The following ZNF829 variants were observed in gnomAD, a reference collection of about 807,000 sequenced individuals.
ZNF829 encodes zinc finger protein 829.
A neutral mutation model predicts 35.2 loss-of-function variants in ZNF829; 25 were observed. That is an observed-to-expected ratio of 0.71 (90% CI 0.52 to 0.99). ZNF829 has a LOEUF of 0.99. ZNF829 is among the 50% of genes least tolerant of loss of function. The pLI is 0.00. For missense variants in ZNF829, 417 were observed against 515.3 expected (o/e 0.81, Z 1.85); for synonymous variants, 136 against 163.2 (o/e 0.83, Z 1.27).
At chr19:36,908,505 G>T in intron 3 of ZNF829, 46 bp from the exon 4 acceptor site, 1 of 1,562,218 alleles carries the variant, frequency 6.4e-7, no homozygotes, top group South Asian at 1.2e-5. Context: ...AAAAGAAAAA[G>T]ATGGCGGTAG....
At chr19:36,893,972 T>G (rs547370646) in intron 5 of ZNF829, among the ~76,000 whole-genome samples, 1 of 152,316 alleles carries the variant, frequency 6.6e-6, no homozygotes, top group East Asian at 1.9e-4. Context: ...TACAACCTTG[T>G]GTTATACTCC....
Position 36,916,230 on chromosome 19 carries a change from G to C in ZNF829, c.-304C>G. On this transcript the variant is annotated 5_prime_UTR_variant, in exon 1 of 6. The change creates a new upstream start codon in the 5' untranslated region. Coordinates refer to ENST00000391711, the MANE Select transcript of ZNF829 (RefSeq NM_001037232.4). This position sits in a 1 kb window ranked among gnomAD's most constrained non-coding sequence, Gnocchi z 5.3. Reference sequence around the variant, plus strand: ...GGTCGCCGTAGCGCTGCGCAATGGAGATGAGCCTCCCGGGGAACCCGGCCC... The same window carrying C: ...GGTCGCCGTAGCGCTGCGCAATGGACATGAGCCTCCCGGGGAACCCGGCCC... 1 of 377,248 alleles carries C rather than the reference G, an allele frequency of 2.7e-6. No homozygotes were observed. The highest frequency in any genetic ancestry group is 4.8e-6 in the Non-Finnish European group (1 of 209,912). 23.4% of individuals were successfully genotyped at this position (377,248 alleles called of 1,614,324 possible).
intron 5 of ZNF829, chr19:36,906,472 G>T (rs956477765): frequency 1.3e-5 from 2 of 152,046 alleles, no homozygotes; most frequent in African/African-American, 4.8e-5. Context: ...AAATTAAAGG[G>T]CCTGGCAATA....
chr19:36,896,343 C>A (rs1280821808), intron 5 of ZNF829, among the ~76,000 whole-genome samples: 3 of 151,180 alleles, frequency 2.0e-5, no homozygotes, highest in Non-Finnish European at 4.4e-5. Flanking sequence ...ATTAGCTGGG[C>A]GTGGTGGCAT....
Position 36,888,620 on chromosome 19 carries a change from A to G in ZNF829, c.*2872T>C, listed in dbSNP as rs1287107524. ...AAGGGCAGTTGTGTTACATACACAT[A>G]TAGTGTAGTGGGGAAAGTGTTGGCT... On this transcript the variant is annotated 3_prime_UTR_variant, in exon 6 of 6. Coordinates refer to ENST00000391711, the MANE Select transcript of ZNF829 (RefSeq NM_001037232.4). 1 of 152,204 alleles carries G rather than the reference A, an allele frequency of 6.6e-6. No individual in the cohort carries two copies. The highest frequency in any genetic ancestry group is 1.5e-5 in the Non-Finnish European group (1 of 68,030). The allele number at this position is 152,204 out of a possible 1,614,324, so 9.4% of individuals were successfully genotyped here.
chr19:36,911,464 G>A (rs774445876), intron 3 of ZNF829, among the ~76,000 whole-genome samples: 86 of 151,970 alleles, frequency 5.7e-4, no homozygotes, highest in Non-Finnish European at 1.2e-3. Flanking sequence ...CTCCCATCTC[G>A]GCCTCCCAAA....
chr19:36,914,756 ATT>A (rs1369030604), intron 3 of ZNF829, among the ~76,000 whole-genome samples: 2 of 152,098 alleles, frequency 1.3e-5, no homozygotes, highest in Non-Finnish European at 2.9e-5. Context: ...GCTAAATTTT[ATT>A]TTTTCTTGGT....
intron 5 of ZNF829, 84 bp from the exon 6 acceptor site, chr19:36,892,555 A>G: frequency 7.3e-7 from 1 of 1,361,432 alleles, no homozygotes; most frequent in East Asian, 2.3e-5. Flanking sequence ...AATTAAACTG[A>G]AAAGAATATC....
chr19:36,912,584 A>G (rs2073273243), intron 3 of ZNF829: 1 of 152,228 alleles, frequency 6.6e-6, no homozygotes, highest in African/African-American at 2.4e-5. Flanking sequence ...ACAATGTTAA[A>G]TAACATTGGT....
chr19:36,893,553 T>C (rs899521917), intron 5 of ZNF829, among the ~76,000 whole-genome samples: 2 of 152,170 alleles, frequency 1.3e-5, no homozygotes, highest in African/African-American at 2.4e-5. Flanking sequence ...GCTAAAAAGA[T>C]GAGGAATAAC....
At chr19:36,900,148 ACAC>A (rs1568369438) in intron 5 of ZNF829, among the ~76,000 whole-genome samples, 624 of 16,706 alleles carry the variant, frequency 0.037, 13 homozygotes, top group Admixed American at 0.21. Context: ...TCTACTAAAC[ACAC>A]ACACACACAC....
At chr19:36,898,249 A>G (rs1420271195) in intron 5 of ZNF829, among the ~76,000 whole-genome samples, 1 of 152,222 alleles carries the variant, frequency 6.6e-6, no homozygotes, top group Non-Finnish European at 1.5e-5. Flanking sequence ...AATCCCATTT[A>G]TTAATATAAT....
rs2073236767 is a variant in ZNF829 at position 36,908,427 on chromosome 19, G to A, written c.129C>T (p.Asp43=). ...GGCATTCCCATTCCTCTTGAGAGAAGTCTATGGAAACATCCCTGAACATCA... is the reference window on the plus strand; with the variant it reads ...GGCATTCCCATTCCTCTTGAGAGAAATCTATGGAAACATCCCTGAACATCA... ...GPVMFRDVSI[D]FSQEEWECLD... The change falls in exon 4 of 6, where the codon GAC becomes GAT. Residue 43 remains aspartate (D), a synonymous_variant. Coordinates refer to ENST00000391711, the MANE Select transcript of ZNF829 (RefSeq NM_001037232.4). The A allele has an allele frequency of 6.2e-7, 1 of 1,611,752 alleles. No individual in the cohort carries two copies. Among genetic ancestry groups the A allele is most frequent in the African/African-American group, 1.3e-5 (1 of 74,812 alleles).
chr19:36,907,832 T>C (rs1181239002), intron 5 of ZNF829, 97 bp downstream of exon 5: 2 of 1,020,840 alleles, frequency 2.0e-6, no homozygotes, highest in Admixed American at 2.7e-5. Flanking sequence ...ATAGCTTATA[T>C]GGAAGAGGCT....
intron 3 of ZNF829, among the ~76,000 whole-genome samples, chr19:36,914,358 C>T (rs993394397): frequency 3.3e-5 from 5 of 151,900 alleles, no homozygotes; most frequent in African/African-American, 4.8e-5. Context: ...ATAACTCATA[C>T]GAATCAATAA....
intron 5 of ZNF829, among the ~76,000 whole-genome samples, chr19:36,896,068 T>C (rs1242895085): frequency 1.3e-5 from 2 of 151,938 alleles, no homozygotes; most frequent in African/African-American, 4.8e-5. Flanking sequence ...TCCCAGCACT[T>C]TGGGAGGCTG....
At position 36,908,410 on chromosome 19, in the gene ZNF829, C is replaced by G; in HGVS notation, c.146G>C (p.Trp49Ser). 6.2e-7 allele frequency: 1 copy of G among 1,613,074 alleles called. No homozygotes were observed. The highest frequency in any genetic ancestry group is 1.7e-5 in the Admixed American group (1 of 59,928). The change falls in exon 4 of 6, where the codon TGG becomes TCG. Residue 49 changes from tryptophan to serine, a missense_variant. By Grantham distance (177) the Trp-to-Ser change is radical. Transcript: ENST00000391711. ...DVSIDFSQEE[W>S]ECLDADQMNL... ...CATCTGATCAGCGTCCAGGCATTCC[C>G]ATTCCTCTTGAGAGAAGTCTATGGA... is the stretch of plus-strand genomic sequence containing the variant.
intron 5 of ZNF829, among the ~76,000 whole-genome samples, chr19:36,905,267 C>A (rs575027928): frequency 4.3e-4 from 65 of 152,232 alleles, no homozygotes; most frequent in African/African-American, 1.5e-3. Context: ...ATTTTCTAAA[C>A]TGTACAGCAC....
intron 5 of ZNF829, among the ~76,000 whole-genome samples, chr19:36,895,192 T>C (rs1331442261): frequency 6.6e-6 from 1 of 152,102 alleles, no homozygotes; most frequent in Admixed American, 6.5e-5. Context: ...AAAAAAACAC[T>C]GTCAGCCAAG....
Sources: gnomAD v4.1 joint callset for allele counts (sites outside exome capture counted in the v4.1 genomes callset) on GRCh38, gnomAD v4.1.1 for gene constraint, Gnocchi (gnomAD v3.1) non-coding constraint, MANE v1.5 for transcripts, NCBI Gene and HGNC (gene_info 2026-07-23, HGNC 2026-07-21) for gene names.